The following MRPS22 variants were observed in gnomAD, a reference collection of about 807,000 sequenced individuals.
MRPS22 encodes the protein small ribosomal subunit protein mS22.
Under a neutral mutation model 44.0 loss-of-function variants are expected in MRPS22, and 30 were observed. The ratio of observed to expected loss-of-function variants is 0.68; its 90% CI spans 0.51 to 0.93. MRPS22 has a LOEUF of 0.93. MRPS22 is among the 40% of genes least tolerant of loss of function. The pLI is 0.00. For missense variants in MRPS22, 447 were observed against 447.8 expected (o/e 1.00, Z 0.02); for synonymous variants, 165 against 154.4 (o/e 1.07, Z -0.51).
Position 139,352,883 on chromosome 3 carries a change from G to C in MRPS22, c.878+91G>C, listed in dbSNP as rs527578218. ...CTATGGTATTTTTCCAGTGATAACA[G>C]TGTACTGTCTAGTGCTTGCTTACCT... On this transcript the variant is annotated intron_variant, in intron 6 of 7. Transcript: ENST00000680020. 36 of 1,354,610 alleles carry C rather than the reference G, an allele frequency of 2.7e-5. No individual in the cohort carries two copies. The South Asian group carries it at 4.2e-4, about 16-fold the overall frequency. The allele number at this position is 1,354,610 out of a possible 1,614,324, so 83.9% of individuals were successfully genotyped here. A position where few individuals can be genotyped will look rare whatever the true frequency, so the allele number is the denominator to read the frequency against.
In MRPS22 at chr3:139,346,819, T is replaced by C. The variant is rs575482939; in HGVS notation, c.173-59T>C. On this transcript the variant is annotated intron_variant, in intron 1 of 7. Transcript: ENST00000680020. ...TTTATTGTTAACTGACTTTTCTATT[T>C]AGAGGTCTTGTTAGCTTGTCATTTT... 2.7e-4 allele frequency: 428 copies of C among 1,577,922 alleles called. 5 individuals carry two copies. The South Asian group carries it at 4.5e-3, about 16-fold the overall frequency.
At chr3:139,350,065 T>C in intron 3 of MRPS22, 114 bp from the exon 4 acceptor site, 3 of 1,240,914 alleles carry the variant, frequency 2.4e-6, no homozygotes, top group East Asian at 2.4e-5. Context: ...CTCATATGCA[T>C]GATTGCATTT....
chr3:139,351,220 T>C (rs1941145238), intron 5 of MRPS22, 160 bp downstream of exon 5: 1 of 642,024 alleles, frequency 1.6e-6, no homozygotes, highest in Admixed American at 2.3e-5. Flanking sequence ...ATATATATTT[T>C]ATAATCACAA....
Position 139,346,822 on chromosome 3 carries a change from A to G in MRPS22, c.173-56A>G, listed in dbSNP as rs536938304. 1.6e-5 allele frequency: 26 copies of G among 1,579,212 alleles called. 1 individual carries two copies. The South Asian group carries it at 2.7e-4, about 16-fold the overall frequency. On this transcript the variant is annotated intron_variant, in intron 1 of 7. Coordinates refer to ENST00000680020, the MANE Select transcript of MRPS22 (RefSeq NM_020191.4). ...ATTGTTAACTGACTTTTCTATTTAGAGGTCTTGTTAGCTTGTCATTTTTGT... is the reference window on the plus strand; with the variant it reads ...ATTGTTAACTGACTTTTCTATTTAGGGGTCTTGTTAGCTTGTCATTTTTGT...
chr3:139,357,075 A>C lies in MRPS22; in HGVS notation c.*61A>C. ...TGACTACATTTCTCTGTTAATATTG[A>C]GCTAAATGTTAAAAAATGGCCAGAT... On this transcript the variant is annotated 3_prime_UTR_variant, in exon 8 of 8. Transcript: ENST00000680020. The C allele has an allele frequency of 7.4e-7, 1 of 1,354,842 alleles. No homozygotes were observed. Among genetic ancestry groups the C allele is most frequent in the Non-Finnish European group, 1.0e-6 (1 of 964,612 alleles). 83.9% of individuals were successfully genotyped at this position (1,354,842 alleles called of 1,614,324 possible).
chr3:139,346,307 A>G, intron 1 of MRPS22, among the ~76,000 whole-genome samples: 1 of 152,070 alleles, frequency 6.6e-6, no homozygotes, highest in Middle Eastern at 3.2e-3. Flanking sequence ...TTCCTCTGCA[A>G]TCACCCAAGC....
chr3:139,344,943 T>A (rs1941010742), intron 1 of MRPS22, among the ~76,000 whole-genome samples: 1 of 152,268 alleles, frequency 6.6e-6, no homozygotes, highest in East Asian at 1.9e-4. Flanking sequence ...TGGGACACAT[T>A]AAATTTGAGG....
intron 7 of MRPS22, 141 bp downstream of exon 7, chr3:139,355,931 T>C (rs1464757664): frequency 1.2e-5 from 9 of 730,222 alleles, no homozygotes; most frequent in Non-Finnish European, 2.2e-5. Context: ...GTATGATTTG[T>C]CCCCATATTT....
intron 6 of MRPS22, among the ~76,000 whole-genome samples, chr3:139,355,314 G>A (rs1676645041): frequency 1.3e-5 from 2 of 152,150 alleles, no homozygotes; most frequent in South Asian, 2.1e-4. Flanking sequence ...AGTTGGATTA[G>A]ACTATTACAT....
chr3:139,347,542 A>T (rs924784397), intron 2 of MRPS22, among the ~76,000 whole-genome samples: 4 of 152,148 alleles, frequency 2.6e-5, no homozygotes, highest in African/African-American at 4.8e-5. Context: ...TAGTCAGCAA[A>T]ATATATATAT....
chr3:139,345,438 G>GTTTTTTTTTTTT (rs55710231), intron 1 of MRPS22, among the ~76,000 whole-genome samples: 2 of 121,634 alleles, frequency 1.6e-5, no homozygotes, highest in Non-Finnish European at 3.3e-5. Flanking sequence ...TGCCAGTGGT[G>GTTTTTTTTTTTT]TTTTTTTTTT....
intron 5 of MRPS22, chr3:139,351,335 A>T (rs1394652777): frequency 2.1e-5 from 9 of 436,330 alleles, no homozygotes; most frequent in Middle Eastern, 6.8e-4. Flanking sequence ...GTTTGATGAC[A>T]AAGCCTATTC....
intron 5 of MRPS22, chr3:139,351,767 C>T (rs368262500): frequency 6.5e-6 from 1 of 154,890 alleles, no homozygotes; most frequent in African/African-American, 2.4e-5. Flanking sequence ...GGCCAGTGAT[C>T]TGGTTTGCTT....
At chr3:139,344,606 G>T in intron 1 of MRPS22, 1 of 648,634 alleles carries the variant, frequency 1.5e-6, no homozygotes, top group South Asian at 1.7e-5. Flanking sequence ...GACCAAAGCT[G>T]AGATCTGGTT....
Position 139,350,983 on chromosome 3 carries a change from T to C in MRPS22, c.655T>C (p.Tyr219His), listed in dbSNP as rs1254170505. The C allele has an allele frequency of 6.2e-7, 1 of 1,613,930 alleles. No homozygotes were observed. Among genetic ancestry groups the C allele is most frequent in the African/African-American group, 1.3e-5 (1 of 75,038 alleles). ...IFKEENLRTM[Y>H]SQDRHVDVLN... Reference sequence around the variant, plus strand: ...CTCTGCTGTGTGGTTTTAGACTATGTATAGCCAGGACAGGCATGTTGATGT... The same window carrying C: ...CTCTGCTGTGTGGTTTTAGACTATGCATAGCCAGGACAGGCATGTTGATGT... The change falls in exon 5 of 8, where the codon TAT becomes CAT. Residue 219 changes from tyrosine (Y) to histidine (H), a missense_variant. Coordinates refer to ENST00000680020, the MANE Select transcript of MRPS22 (RefSeq NM_020191.4).
At chr3:139,351,968 C>T (rs1941160350) in intron 5 of MRPS22, 1 of 152,760 alleles carries the variant, frequency 6.5e-6, no homozygotes, top group South Asian at 2.1e-4. Context: ...GGAAGGAGGA[C>T]TGAAGGACCT....
chr3:139,352,391 C>T (rs1478848713), intron 5 of MRPS22: 1 of 415,740 alleles, frequency 2.4e-6, no homozygotes, highest in East Asian at 5.0e-5. Context: ...ACCTCAGCTT[C>T]CCAAAGTGTT....
rs1426327322 is a variant in MRPS22, at chr3:139,346,932, A to G, written c.227A>G (p.Gln76Arg). The part of the protein sequence containing the change: ...KKPTFMDEEV[Q>R]SILTKMTGLN... ...CCTACATTTATGGATGAGGAAGTTCAAAGCATACTCACGAAAATGACAGGC... is the reference window on the plus strand; with the variant it reads ...CCTACATTTATGGATGAGGAAGTTCGAAGCATACTCACGAAAATGACAGGC... Residue 76 changes from glutamine to arginine, a missense_variant, in exon 2 of 8, where the codon CAA (glutamine) becomes CGA (arginine). Gln to Arg is a conservative substitution (Grantham distance 43). Coordinates refer to ENST00000680020, the MANE Select transcript of MRPS22 (RefSeq NM_020191.4). 3.7e-6 allele frequency: 6 copies of G among 1,614,228 alleles called. No homozygotes were observed. Among genetic ancestry groups the G allele is most frequent in the Non-Finnish European group, 5.1e-6 (6 of 1,180,034 alleles).
chr3:139,355,697 C>T lies in MRPS22; in HGVS notation c.894C>T (p.Thr298=), dbSNP rs1179066133. 3 of 1,614,042 alleles carry T rather than the reference C, an allele frequency of 1.9e-6. No homozygotes were observed. The highest frequency in any genetic ancestry group is 2.5e-6 in the Non-Finnish European group (3 of 1,179,954). Residue 298 remains threonine (T), a synonymous_variant, in exon 7 of 8, where the codon ACC becomes ACT. Coordinates refer to ENST00000680020, the MANE Select transcript of MRPS22 (RefSeq NM_020191.4). ...TCATTCTCAGAATCGATGATGCAAC[C>T]AACTTGGTCCAGCTGTATCACGTGC... ...QIQRDLIDDA[T]NLVQLYHVLH... is the part of the protein sequence containing the mutation.
Sources: gnomAD v4.1 joint callset for allele counts (sites outside exome capture counted in the v4.1 genomes callset) on GRCh38, gnomAD v4.1.1 for gene constraint, MANE v1.5 for transcripts, NCBI Gene and HGNC (gene_info 2026-07-23, HGNC 2026-07-21) for gene names.